Variants in CDH12 observed in about 807,000 individuals in gnomAD.
CDH12 encodes the protein cadherin 12.
A neutral mutation model predicts 74.1 loss-of-function variants in CDH12; 41 were observed. The ratio of observed to expected loss-of-function variants is 0.55; its 90% CI spans 0.43 to 0.72. The LOEUF is 0.72. Ranked by LOEUF, CDH12 falls within the 30% of genes least tolerant of loss-of-function variation. CDH12 has a pLI of 0.00. For missense variants in CDH12, 945 were observed against 977.2 expected (o/e 0.97, Z 0.44); for synonymous variants, 399 against 355.0 (o/e 1.12, Z -1.39).
chr5:22,266,590 T>C (rs1736128709), intron 3 of CDH12, among the ~76,000 whole-genome samples: 1 of 152,126 alleles, frequency 6.6e-6, no homozygotes, highest in Non-Finnish European at 1.5e-5. Flanking sequence ...GTAGGAAATA[T>C]GTAAAAGTCC....
At chr5:22,719,274 A>T (rs557468059) in intron 1 of CDH12, among the ~76,000 whole-genome samples, 3 of 152,308 alleles carry the variant, frequency 2.0e-5, no homozygotes, top group Middle Eastern at 6.8e-3. Flanking sequence ...TGCTAAATGT[A>T]TAATGGTATG....
chr5:21,968,137 A>G (rs1580042113), intron 6 of CDH12, among the ~76,000 whole-genome samples: 1 of 152,234 alleles, frequency 6.6e-6, no homozygotes, highest in East Asian at 1.9e-4. Flanking sequence ...AGAAAAGGGA[A>G]GAAGATAATA....
chr5:22,605,532 C>A (rs902627043), intron 1 of CDH12, among the ~76,000 whole-genome samples: 1 of 152,200 alleles, frequency 6.6e-6, no homozygotes, highest in Non-Finnish European at 1.5e-5. Context: ...CTCATTCCCA[C>A]CTCCCACCTC....
chr5:22,355,099 T>A (rs1186339144), intron 3 of CDH12, among the ~76,000 whole-genome samples: 1 of 152,190 alleles, frequency 6.6e-6, no homozygotes, highest in Non-Finnish European at 1.5e-5. Context: ...TAGTGGGGCA[T>A]TCATTTTGAA....
chr5:22,801,518 T>G (rs953174731), intron 1 of CDH12, among the ~76,000 whole-genome samples: 1 of 151,600 alleles, frequency 6.6e-6, no homozygotes, highest in African/African-American at 2.4e-5. Context: ...GCTGACGAAT[T>G]TGTCTTTTAA....
intron 4 of CDH12, among the ~76,000 whole-genome samples, chr5:22,170,907 A>G (rs1358589298): frequency 2.0e-5 from 3 of 151,866 alleles, no homozygotes; most frequent in African/African-American, 2.4e-5. Context: ...TTAATTAAGC[A>G]GCAGTTGGTA....
At chr5:22,699,600 G>C (rs1159691695) in intron 1 of CDH12, among the ~76,000 whole-genome samples, 1 of 151,908 alleles carries the variant, frequency 6.6e-6, no homozygotes, top group African/African-American at 2.4e-5. Context: ...TCCCAAGAAG[G>C]GTACCACACA....
rs189112595 is a variant in CDH12, at chr5:21,954,185, A to G, written c.526+20906T>C. On this transcript the variant is annotated intron_variant, in intron 6 of 14. Coordinates refer to ENST00000382254, the MANE Select transcript of CDH12 (RefSeq NM_004061.5). ...TCATTGCTATAATTTTGGTCATGCCATATTGATTAGCAATAAAATATATAC... is the reference window on the plus strand; with the variant it reads ...TCATTGCTATAATTTTGGTCATGCCGTATTGATTAGCAATAAAATATATAC... Among the ~76,000 whole-genome samples the G allele has an allele frequency of 8.3e-4, 127 of 152,186 alleles. 1 individual carries two copies. The East Asian group carries it at 0.021, about 25-fold the overall frequency.
At chr5:22,797,753 T>C (rs1748302761) in intron 1 of CDH12, among the ~76,000 whole-genome samples, 1 of 152,194 alleles carries the variant, frequency 6.6e-6, no homozygotes, top group Admixed American at 6.5e-5. Context: ...TCTCAAGTTT[T>C]TTATTTGAAT....
chr5:22,293,774 A>G (rs1170983407), intron 3 of CDH12, among the ~76,000 whole-genome samples: 1 of 152,190 alleles, frequency 6.6e-6, no homozygotes, highest in Non-Finnish European at 1.5e-5. Flanking sequence ...TATCATTTAC[A>G]TATCTAAAAA....
intron 2 of CDH12, among the ~76,000 whole-genome samples, chr5:22,490,657 CTG>C (rs1350567290): frequency 6.6e-6 from 1 of 151,730 alleles, no homozygotes; most frequent in Non-Finnish European, 1.5e-5. Flanking sequence ...TAAAAAAAAA[CTG>C]AGGATGGCCA....
chr5:22,215,243 C>G (rs1441040122), intron 3 of CDH12, among the ~76,000 whole-genome samples: 1 of 152,100 alleles, frequency 6.6e-6, no homozygotes, highest in African/African-American at 2.4e-5. Context: ...GTTACTGTAA[C>G]TATAAAATTA....
At chr5:22,262,729 C>G (rs1753566221) in intron 3 of CDH12, among the ~76,000 whole-genome samples, 1 of 151,766 alleles carries the variant, frequency 6.6e-6, no homozygotes, top group African/African-American at 2.4e-5. Flanking sequence ...TACAGTCCCA[C>G]CAACAGTGTA....
At chr5:21,913,059 C>T (rs13178151) in intron 6 of CDH12, among the ~76,000 whole-genome samples, 112,648 of 152,026 alleles carry the variant, frequency 0.74, 44,302 homozygotes, top group East Asian at 0.93. Flanking sequence ...GCCAGACTGA[C>T]CTCAAACTCC....
chr5:22,304,681 C>A (rs1211523623), intron 3 of CDH12, among the ~76,000 whole-genome samples: 1 of 152,112 alleles, frequency 6.6e-6, no homozygotes, highest in Non-Finnish European at 1.5e-5. Context: ...GTGCAAGTTA[C>A]CCTTGGGCAT....
intron 1 of CDH12, among the ~76,000 whole-genome samples, chr5:22,828,703 T>C (rs913928175): frequency 2.0e-5 from 3 of 152,190 alleles, no homozygotes; most frequent in African/African-American, 7.2e-5. Context: ...ATGATTCTCA[T>C]TGTATTCTGT....
At chr5:22,755,123 A>G (rs1745823888) in intron 1 of CDH12, among the ~76,000 whole-genome samples, 1 of 152,188 alleles carries the variant, frequency 6.6e-6, no homozygotes, top group African/African-American at 2.4e-5. Flanking sequence ...TTGATACTAT[A>G]TATTCTTTAA....
intron 8 of CDH12, among the ~76,000 whole-genome samples, chr5:21,832,102 A>T (rs1231521864): frequency 6.6e-6 from 1 of 152,110 alleles, no homozygotes; most frequent in Non-Finnish European, 1.5e-5. Context: ...CTTTCAGAAA[A>T]ATAATTTAAA....
chr5:21,876,874 C>G (rs1751965955), intron 6 of CDH12, among the ~76,000 whole-genome samples: 2 of 152,160 alleles, frequency 1.3e-5, no homozygotes, highest in Non-Finnish European at 2.9e-5. Context: ...ATATTATGCC[C>G]TTTATACATG....
Sources: gnomAD v4.1 joint callset for allele counts (sites outside exome capture counted in the v4.1 genomes callset) on GRCh38, gnomAD v4.1.1 for gene constraint, MANE v1.5 for transcripts, NCBI Gene and HGNC (gene_info 2026-07-23, HGNC 2026-07-21) for gene names.